SLC25A21: variants seen among roughly 807,000 people sequenced by gnomAD.
The protein encoded by SLC25A21 is mitochondrial 2-oxodicarboxylate carrier.
Under a neutral mutation model 43.8 loss-of-function variants are expected in SLC25A21, and 47 were observed. That is an observed-to-expected ratio of 1.07 (90% confidence interval 0.85 to 1.37). The LOEUF is 1.37. Among genes scored for constraint, SLC25A21 ranks in the 40% most tolerant of loss-of-function variants. The pLI is 0.00. For synonymous variants in SLC25A21, 131 were observed against 121.3 expected, an observed-to-expected ratio of 1.08 and a Z score of -0.52; for missense variants, 352 against 350.2, an observed-to-expected ratio of 1.00 and a Z score of -0.04.
intron 1 of SLC25A21, among the ~76,000 whole-genome samples, chr14:36,902,348 T>A (rs1422925183): frequency 1.3e-5 from 2 of 151,976 alleles, no homozygotes; most frequent in East Asian, 3.9e-4. Flanking sequence ...ACAGGTAGGG[T>A]CAAAGATGAC....
At chr14:37,040,002 C>G (rs899435351) in intron 1 of SLC25A21, among the ~76,000 whole-genome samples, 1 of 150,816 alleles carries the variant, frequency 6.6e-6, no homozygotes, top group African/African-American at 2.5e-5. Flanking sequence ...CAAGATCAAC[C>G]TGGCCAACAT....
chr14:36,978,761 G>C (rs1245716012), intron 1 of SLC25A21, among the ~76,000 whole-genome samples: 1 of 152,136 alleles, frequency 6.6e-6, no homozygotes, highest in Non-Finnish European at 1.5e-5. Flanking sequence ...CTCTCAAGTA[G>C]ATTAGAAGTT....
At chr14:36,785,032 T>C (rs914251715) in intron 3 of SLC25A21, among the ~76,000 whole-genome samples, 1 of 152,208 alleles carries the variant, frequency 6.6e-6, no homozygotes, top group African/African-American at 2.4e-5. Context: ...ATTAATTAGT[T>C]GTTCTACCAG....
intron 7 of SLC25A21, among the ~76,000 whole-genome samples, chr14:36,686,696 C>T (rs1425074692): frequency 5.3e-5 from 8 of 152,126 alleles, no homozygotes; most frequent in African/African-American, 1.9e-4. Flanking sequence ...CTTGAAATCC[C>T]CGTGACATTG....
Position 36,858,165 on chromosome 14 carries a change from C to G in SLC25A21, c.119+16791G>C, listed in dbSNP as rs544347954. Among the ~76,000 whole-genome samples, 15 of 152,158 alleles carry G rather than the reference C, an allele frequency of 9.9e-5. No homozygotes were observed. In the South Asian group the frequency reaches 3.1e-3, roughly 32 times the overall value. On this transcript the variant is annotated intron_variant, in intron 2 of 9. Coordinates refer to ENST00000331299, the MANE Select transcript of SLC25A21 (RefSeq NM_030631.4). ...AGGAGGTCCCATGAAGTAACGTTTG[C>G]AAAACCTCTTTTCTCTCCCCAGAAG...
At chr14:36,852,226 C>T (rs1889762839) in intron 2 of SLC25A21, among the ~76,000 whole-genome samples, 1 of 152,172 alleles carries the variant, frequency 6.6e-6, no homozygotes, top group African/African-American at 2.4e-5. Context: ...CACCTACCTA[C>T]ACAGAGAACA....
intron 3 of SLC25A21, among the ~76,000 whole-genome samples, chr14:36,803,452 T>C (rs932462151): frequency 3.3e-5 from 5 of 152,176 alleles, no homozygotes; most frequent in African/African-American, 7.2e-5. Flanking sequence ...TGAAAATGTA[T>C]AGAATACAAA....
At chr14:36,856,240 C>G in intron 2 of SLC25A21, among the ~76,000 whole-genome samples, 1 of 152,112 alleles carries the variant, frequency 6.6e-6, no homozygotes, top group East Asian at 1.9e-4. Context: ...ATTGTTGGTC[C>G]GTAAAGGAAG....
chr14:36,689,356 G>A (rs1882695561), intron 7 of SLC25A21, among the ~76,000 whole-genome samples: 1 of 152,208 alleles, frequency 6.6e-6, no homozygotes, highest in African/African-American at 2.4e-5. Context: ...TGAGATTTGG[G>A]TGGGGACACA....
At chr14:37,075,962 G>C (rs566282222) in intron 1 of SLC25A21, among the ~76,000 whole-genome samples, 5 of 152,216 alleles carry the variant, frequency 3.3e-5, no homozygotes, top group Non-Finnish European at 7.3e-5. Flanking sequence ...GCCTCCAAAT[G>C]ATGAGGGCCA....
intron 1 of SLC25A21, among the ~76,000 whole-genome samples, chr14:37,084,259 G>A (rs888652209): frequency 1.3e-5 from 2 of 152,190 alleles, no homozygotes; most frequent in African/African-American, 4.8e-5. Flanking sequence ...AAACTCGCTT[G>A]TGATATAAGG....
chr14:36,735,930 ATTTTTT>A (rs776933723), intron 3 of SLC25A21, among the ~76,000 whole-genome samples: 5 of 84,300 alleles, frequency 5.9e-5, no homozygotes, highest in Admixed American at 3.5e-4. Context: ...TCTGGCCACA[ATTTTTT>A]TTTTTTTTTT....
chr14:36,962,602 G>A (rs1959521173), intron 1 of SLC25A21, among the ~76,000 whole-genome samples: 1 of 151,618 alleles, frequency 6.6e-6, no homozygotes, highest in South Asian at 2.1e-4. Context: ...GGCTTATTTC[G>A]CTTAGCATAA....
At chr14:37,035,523 G>A (rs1435944425) in intron 1 of SLC25A21, among the ~76,000 whole-genome samples, 2 of 152,230 alleles carry the variant, frequency 1.3e-5, no homozygotes, top group Non-Finnish European at 2.9e-5. Flanking sequence ...GAGGTCCAGT[G>A]TTGATTTGAG....
At chr14:37,055,043 C>T (rs1324737621) in intron 1 of SLC25A21, among the ~76,000 whole-genome samples, 1 of 152,212 alleles carries the variant, frequency 6.6e-6, no homozygotes, top group African/African-American at 2.4e-5. Flanking sequence ...GGCTATGCTC[C>T]TGTTTCACCC....
At chr14:36,752,046 A>T (rs1885729855) in intron 3 of SLC25A21, among the ~76,000 whole-genome samples, 1 of 152,218 alleles carries the variant, frequency 6.6e-6, no homozygotes, top group Admixed American at 6.5e-5. Flanking sequence ...TGAACAAGTC[A>T]GACACACTTC....
chr14:37,169,665 A>G (rs1275798054), intron 1 of SLC25A21, among the ~76,000 whole-genome samples: 1 of 151,934 alleles, frequency 6.6e-6, no homozygotes, highest in Non-Finnish European at 1.5e-5. Flanking sequence ...AGAGATTCAA[A>G]TCTATTTTGT....
At chr14:37,019,321 C>T (rs181255093) in intron 1 of SLC25A21, among the ~76,000 whole-genome samples, 75 of 151,896 alleles carry the variant, frequency 4.9e-4, no homozygotes, top group African/African-American at 1.7e-3. Flanking sequence ...AGGCCTTATA[C>T]GGCTGGCTCT....
At chr14:36,843,564 A>G (rs1020098923) in intron 2 of SLC25A21, among the ~76,000 whole-genome samples, 2 of 152,134 alleles carry the variant, frequency 1.3e-5, no homozygotes, top group Admixed American at 6.5e-5. Context: ...CTGTATATCT[A>G]TCAATACATA....
Sources: gnomAD v4.1 joint callset for allele counts (sites outside exome capture counted in the v4.1 genomes callset) on GRCh38, gnomAD v4.1.1 for gene constraint, MANE v1.5 for transcripts, NCBI Gene and HGNC (gene_info 2026-07-23, HGNC 2026-07-21) for gene names.